Variants in CNTNAP2 observed in about 807,000 individuals in gnomAD.
CNTNAP2 encodes contactin associated protein 2.
A neutral mutation model predicts 155.2 loss-of-function variants in CNTNAP2; 98 were observed. The ratio of observed to expected loss-of-function variants is 0.63; its 90% CI spans 0.54 to 0.75. CNTNAP2 has a LOEUF of 0.75. CNTNAP2 is among the 30% of genes least tolerant of loss of function. CNTNAP2 has a pLI of 0.00. For missense variants in CNTNAP2, 1,727 were observed against 1,688.1 expected (o/e 1.02, Z -0.40); for synonymous variants, 651 against 631.2 (o/e 1.03, Z -0.47).
intron 17 of CNTNAP2, among the ~76,000 whole-genome samples, chr7:148,165,525 A>C (rs1805638375): frequency 6.6e-6 from 1 of 152,132 alleles, no homozygotes; most frequent in Non-Finnish European, 1.5e-5. Flanking sequence ...CCTATACTCA[A>C]TAATAGCAAT....
At chr7:147,690,261 T>G (rs191049001) in intron 13 of CNTNAP2, among the ~76,000 whole-genome samples, 15 of 152,262 alleles carry the variant, frequency 9.9e-5, no homozygotes, top group African/African-American at 3.6e-4. Flanking sequence ...TGCCTAATAT[T>G]TCAAGACGTA....
At chr7:146,721,687 C>T (rs1274325002) in intron 1 of CNTNAP2, among the ~76,000 whole-genome samples, 5 of 112,700 alleles carry the variant, frequency 4.4e-5, no homozygotes, top group South Asian at 4.8e-4. Context: ...TATATACATT[C>T]TATATATATA....
chr7:146,517,736 G>A (rs1201529502), intron 1 of CNTNAP2, among the ~76,000 whole-genome samples: 1 of 151,902 alleles, frequency 6.6e-6, no homozygotes, highest in Non-Finnish European at 1.5e-5. Flanking sequence ...ACCACTCCAG[G>A]AACTCTGGAA....
chr7:147,360,775 C>T (rs577856827), intron 9 of CNTNAP2, among the ~76,000 whole-genome samples: 6 of 152,142 alleles, frequency 3.9e-5, no homozygotes, highest in African/African-American at 7.2e-5. Context: ...CCAGCCATTT[C>T]GACCCCCCAC....
At chr7:146,821,540 C>G (rs148943001) in intron 2 of CNTNAP2, among the ~76,000 whole-genome samples, 1 of 151,944 alleles carries the variant, frequency 6.6e-6, no homozygotes. Context: ...AGGCAACCTA[C>G]GAAATGGGAG....
intron 1 of CNTNAP2, among the ~76,000 whole-genome samples, chr7:146,378,698 C>A (rs889291114): frequency 1.3e-5 from 2 of 152,142 alleles, no homozygotes; most frequent in Non-Finnish European, 2.9e-5. Context: ...ATACATGTTA[C>A]AAGCACTGGG....
intron 3 of CNTNAP2, among the ~76,000 whole-genome samples, chr7:146,964,722 A>G (rs1293044402): frequency 6.6e-6 from 1 of 152,220 alleles, no homozygotes; most frequent in African/African-American, 2.4e-5. Context: ...CTCTTTCTGC[A>G]AAGGACCAGA....
chr7:147,219,361 G>A (rs1803344678), intron 8 of CNTNAP2, among the ~76,000 whole-genome samples: 1 of 152,164 alleles, frequency 6.6e-6, no homozygotes, highest in South Asian at 2.1e-4. Context: ...AGCCGACAGT[G>A]CAGCCTTCAA....
chr7:147,072,230 G>A (rs1329658039), intron 4 of CNTNAP2, among the ~76,000 whole-genome samples: 1 of 152,092 alleles, frequency 6.6e-6, no homozygotes, highest in Admixed American at 6.5e-5. Flanking sequence ...TGGTGTGGCT[G>A]CAGCACCGAG....
intron 13 of CNTNAP2, among the ~76,000 whole-genome samples, chr7:147,873,317 G>A (rs762077070): frequency 2.0e-5 from 3 of 152,104 alleles, no homozygotes; most frequent in Non-Finnish European, 4.4e-5. Context: ...TGCTAATAAG[G>A]ACATACCTAA....
At chr7:147,235,345 G>GGTGTGTGT (rs60072934) in intron 8 of CNTNAP2, among the ~76,000 whole-genome samples, 22,885 of 140,744 alleles carry the variant, frequency 0.16, 2,488 homozygotes, top group East Asian at 0.47. Context: ...TGGAGTTTTT[G>GGTGTGTGT]GTGTGTGTGT....
intron 13 of CNTNAP2, among the ~76,000 whole-genome samples, chr7:147,875,309 G>C (rs1427618628): frequency 6.6e-6 from 1 of 152,180 alleles, no homozygotes; most frequent in Non-Finnish European, 1.5e-5. Context: ...ACAGTGGAAG[G>C]GAAAGGAGGA....
chr7:146,184,491 TTAAA>T (rs1205549038), intron 1 of CNTNAP2, among the ~76,000 whole-genome samples: 2 of 152,192 alleles, frequency 1.3e-5, no homozygotes, highest in Non-Finnish European at 2.9e-5. Flanking sequence ...TAGGGATTAA[TTAAA>T]TGATAAGAGC....
At chr7:147,312,265 TTTA>T (rs1363731357) in intron 9 of CNTNAP2, among the ~76,000 whole-genome samples, 1 of 152,008 alleles carries the variant, frequency 6.6e-6, no homozygotes, top group African/African-American at 2.4e-5. Context: ...TATTTTATTT[TTTA>T]TTATTATTAT....
intron 21 of CNTNAP2, among the ~76,000 whole-genome samples, chr7:148,294,811 CA>C (rs1255054755): frequency 6.6e-6 from 1 of 151,974 alleles, no homozygotes; most frequent in African/African-American, 2.4e-5. Flanking sequence ...CTTGAGGTGG[CA>C]AAAATAAACA....
chr7:146,321,977 GA>G (rs60549677), intron 1 of CNTNAP2, among the ~76,000 whole-genome samples: 1 of 151,646 alleles, frequency 6.6e-6, no homozygotes, highest in Non-Finnish European at 1.5e-5. Flanking sequence ...ATTTAAATAT[GA>G]AAAAAAATTC....
Position 146,758,284 on chromosome 7 carries a change from A to G in CNTNAP2, c.98-15987A>G, listed in dbSNP as rs1292295936. Among the ~76,000 whole-genome samples the G allele has an allele frequency of 2.0e-5, 3 of 152,066 alleles. No homozygotes were observed. In the East Asian group the frequency reaches 5.8e-4, roughly 29 times the overall value. On this transcript the variant is annotated intron_variant, in intron 1 of 23. Coordinates refer to ENST00000361727, the MANE Select transcript of CNTNAP2 (RefSeq NM_014141.6). Reference sequence around the variant, plus strand: ...TTTCCTTTTTTCCTGCCCACAAAAGATGTAAGATCTCCTTTAAATTGTGAA... The same window carrying G: ...TTTCCTTTTTTCCTGCCCACAAAAGGTGTAAGATCTCCTTTAAATTGTGAA...
At chr7:148,353,653 T>TCA (rs10700397) in intron 21 of CNTNAP2, among the ~76,000 whole-genome samples, 98,024 of 150,736 alleles carry the variant, frequency 0.65, 32,452 homozygotes, top group East Asian at 0.94. Flanking sequence ...GAGTGAGTTT[T>TCA]CACACACACA....
At chr7:148,015,295 G>A (rs1469073605) in intron 15 of CNTNAP2, among the ~76,000 whole-genome samples, 1 of 152,090 alleles carries the variant, frequency 6.6e-6, no homozygotes, top group African/African-American at 2.4e-5. Flanking sequence ...GATGTGTAAG[G>A]GCTGATGTCC....
Sources: gnomAD v4.1 joint callset for allele counts (sites outside exome capture counted in the v4.1 genomes callset) on GRCh38, gnomAD v4.1.1 for gene constraint, MANE v1.5 for transcripts, NCBI Gene and HGNC (gene_info 2026-07-23, HGNC 2026-07-21) for gene names.